The following APOB variants were observed in gnomAD, a reference collection of about 807,000 sequenced individuals.
APOB encodes the protein apolipoprotein B, also known as apolipoprotein B-100.
In APOB, 153 loss-of-function variants were observed where a neutral mutation model predicts 314.1. The ratio of observed to expected loss-of-function variants is 0.49; its 90% CI spans 0.43 to 0.56. The LOEUF is 0.56. Among genes scored for constraint, APOB ranks in the 20% least tolerant of loss-of-function variants. APOB has a pLI of 0.00. For missense variants in APOB, 5,430 were observed against 5,350.7 expected (o/e 1.01, Z -0.46); for synonymous variants, 2,087 against 2,036.4 (o/e 1.02, Z -0.67).
Position 21,008,319 on chromosome 2 carries a change from A to G in APOB, c.8549T>C (p.Ile2850Thr). 1.9e-6 allele frequency: 3 copies of G among 1,613,044 alleles called. No individual in the cohort carries two copies. The highest frequency in any genetic ancestry group is 2.5e-6 in the Non-Finnish European group (3 of 1,179,232). Residue 2850 changes from isoleucine (I) to threonine (T), a missense_variant, in exon 26 of 29, where the codon ATT becomes ACT. By Grantham distance (89) the Ile-to-Thr change is moderately conservative. Transcript: ENST00000233242. The stretch of plus-strand genomic sequence containing the variant: ...TGCCACTGTGTTTGATTTTCCCTCA[A>G]TAGCATTTCCAAAAAACAGCATTTC... ...GSEMLFFGNA[I>T]EGKSNTVASL...
Position 21,010,156 on chromosome 2 carries a change from A to T in APOB, c.6712T>A (p.Phe2238Ile). 6.2e-7 allele frequency: 1 copy of T among 1,603,126 alleles called. No homozygotes were observed. The highest frequency in any genetic ancestry group is 8.5e-7 in the Non-Finnish European group (1 of 1,172,270). Reference sequence around the variant, plus strand: ...GCAGTACTACTTCCACTTTTGTTAAAATCAATATTTTCAATAAACAAATGT... The same window carrying T: ...GCAGTACTACTTCCACTTTTGTTAATATCAATATTTTCAATAAACAAATGT... ...DLHLFIENIDFNKSGSSTASW... is the reference protein window; with the variant it reads ...DLHLFIENIDINKSGSSTASW... Residue 2238 changes from phenylalanine to isoleucine, a missense_variant, in exon 26 of 29, where the codon TTT becomes ATT. By Grantham distance (21) the Phe-to-Ile change is conservative. Around this residue, in one of 3 missense-constraint regions of APOB, gnomAD observed 3,281 missense variants for 3,171.0 expected, o/e 1.03. Transcript: ENST00000233242.
chr2:21,035,016 T>C (rs1034752257), intron 7 of APOB, 115 bp from the exon 8 acceptor site: 1 of 771,388 alleles, frequency 1.3e-6, no homozygotes, highest in Non-Finnish European at 2.4e-6. Context: ...TTTCAAAGCA[T>C]GGGTAAATCC....
In APOB at chr2:21,003,092, G is replaced by T. The variant is rs1446183854; in HGVS notation, c.12330C>A (p.Asn4110Lys). 7 of 1,595,290 alleles carry T rather than the reference G, an allele frequency of 4.4e-6. No homozygotes were observed. Among genetic ancestry groups the T allele is most frequent in the Non-Finnish European group, 5.1e-6 (6 of 1,169,870 alleles). ...VSSKLRRNLQ[N>K]NAEWVYQGAI... ...CCCCTTGATAAACCCACTCAGCATTGTTCTGCAGATTTCTTCTCAGCTTTG... is the reference window on the plus strand; with the variant it reads ...CCCCTTGATAAACCCACTCAGCATTTTTCTGCAGATTTCTTCTCAGCTTTG... The change falls in exon 29 of 29, where the codon AAC (asparagine) becomes AAA (lysine). Residue 4110 changes from asparagine (N) to lysine (K), a missense_variant. Around this residue, in one of 3 missense-constraint regions of APOB, gnomAD observed 3,281 missense variants for 3,171.0 expected, o/e 1.03. Transcript: ENST00000233242.
chr2:21,004,155 G>T (rs533261712), intron 28 of APOB, 114 bp downstream of exon 28: 9 of 1,107,974 alleles, frequency 8.1e-6, no homozygotes, highest in Non-Finnish European at 1.2e-5. Context: ...GTTGCTTACC[G>T]CCTGTCTTTC....
rs1271356302 is a variant in APOB at position 21,033,394 on chromosome 2, C to A, written c.1029G>T (p.Gln343His). 6.2e-7 allele frequency: 1 copy of A among 1,614,172 alleles called. No homozygotes were observed. Among genetic ancestry groups the A allele is most frequent in the East Asian group, 2.2e-5 (1 of 44,882 alleles). ...KKLTISEQNI[Q>H]RANLFNKLVT... ...CCAGCTTATTGAAGAGATTAGCTCT[C>A]TGGATATTTTGCTCAGAGATGGTTA... The change falls in exon 9 of 29, where the codon CAG becomes CAT. Residue 343 changes from glutamine (Q) to histidine (H), a missense_variant. Coordinates refer to ENST00000233242, the MANE Select transcript of APOB (RefSeq NM_000384.3).
Position 21,011,660 on chromosome 2 carries a change from A to G in APOB, c.5208T>C (p.Leu1736=), listed in dbSNP as rs1214860106. 6.2e-6 allele frequency: 10 copies of G among 1,614,204 alleles called. No individual in the cohort carries two copies. Among genetic ancestry groups the G allele is most frequent in the Non-Finnish European group, 8.5e-6 (10 of 1,180,030 alleles). Residue 1736 remains leucine (L), a synonymous_variant, in exon 26 of 29, where the codon CTT becomes CTC. Coordinates refer to ENST00000233242, the MANE Select transcript of APOB (RefSeq NM_000384.3). ...IFNFKVSQEG[L]KLSNDMMGSY... ...AGCCCATCATGTCATTTGAGAGCTT[A>G]AGTCCTTCTTGACTGACCTTGAAGT... is the stretch of plus-strand genomic sequence containing the variant.
At position 21,007,546 on chromosome 2, in the gene APOB, CGTT is replaced by C. The variant is rs1663179943; in HGVS notation, c.9319_9321del (p.Asn3107del). ...CCTACATGGGCCTCCATAATGTTCT[CGTT>C]GTTTCCAGCAGAGAAATTTTGGTTG... On this transcript the variant is annotated inframe_deletion, in exon 26 of 29. Coordinates refer to ENST00000233242, the MANE Select transcript of APOB (RefSeq NM_000384.3). 2 of 1,614,046 alleles carry C rather than the reference CGTT, an allele frequency of 1.2e-6. No individual in the cohort carries two copies. The highest frequency in any genetic ancestry group is 1.7e-6 in the Non-Finnish European group (2 of 1,179,944).
chr2:21,016,441 T>C lies in APOB; in HGVS notation c.3330A>G (p.Leu1110=), dbSNP rs756140711. Residue 1110 remains leucine (L), a splice_region_variant and synonymous_variant, in exon 21 of 29, where the codon CTA becomes CTG. Transcript: ENST00000233242. ...KITEVALMGH[L]SCDTKEERKI... is the part of the protein sequence containing the mutation. ...AGATGACCCTCGGCCTTCTTTACCT[T>C]AGGTGGCCCATGAGGGCGACCTCAG... 5 of 1,573,602 alleles carry C rather than the reference T, an allele frequency of 3.2e-6. No individual in the cohort carries two copies. In the South Asian group the frequency reaches 5.5e-5, roughly 17 times the overall value.
chr2:21,041,722 A>G (rs1167328049), intron 3 of APOB, among the ~76,000 whole-genome samples: 1 of 152,196 alleles, frequency 6.6e-6, no homozygotes, highest in African/African-American at 2.4e-5. Flanking sequence ...TTCCATTTAA[A>G]TAGCCCAATG....
intron 28 of APOB, among the ~76,000 whole-genome samples, chr2:21,003,812 T>G (rs777896936): frequency 6.6e-6 from 1 of 152,162 alleles, no homozygotes; most frequent in Non-Finnish European, 1.5e-5. Flanking sequence ...CCATGTTTGG[T>G]CTTCTCCTCT....
rs1474931081 is a variant in APOB, at chr2:21,013,341, C to A, written c.4035G>T (p.Leu1345Phe). 6.2e-7 allele frequency: 1 copy of A among 1,614,142 alleles called. No individual in the cohort carries two copies. The highest frequency in any genetic ancestry group is 1.1e-5 in the South Asian group (1 of 91,080). Residue 1345 changes from leucine (L) to phenylalanine (F), a missense_variant, in exon 25 of 29, where the codon TTG becomes TTT. Leu to Phe is a conservative substitution (Grantham distance 22). Around this residue, in one of 3 missense-constraint regions of APOB, gnomAD observed 2,085 missense variants for 2,079.7 expected, o/e 1.00. Coordinates refer to ENST00000233242, the MANE Select transcript of APOB (RefSeq NM_000384.3). ...FQVPTFTIPKLYQLQVPLLGV... is the reference protein window; with the variant it reads ...FQVPTFTIPKFYQLQVPLLGV... ...CCAGGAGAGGCACTTGCAGTTGATA[C>A]AACTTGGGAATGGTAAAAGTAGGGA...
chr2:21,037,152 C>A lies in APOB; in HGVS notation c.641G>T (p.Arg214Leu), dbSNP rs146152405. The A allele has an allele frequency of 3.1e-6, 5 of 1,614,064 alleles. No homozygotes were observed. The highest frequency in any genetic ancestry group is 3.4e-6 in the Non-Finnish European group (4 of 1,180,046). The change falls in exon 6 of 29, where the codon CGC (arginine) becomes CTC (leucine). Residue 214 changes from arginine to leucine, a missense_variant. Coordinates refer to ENST00000233242, the MANE Select transcript of APOB (RefSeq NM_000384.3). ...STERDLGQCD[R>L]FKPIRTGISP... The stretch of plus-strand genomic sequence containing the variant: ...GATGCCTGTGCGGATGGGCTTGAAG[C>A]GATCACACTGCCCCAGGTCTCTTTC...
At position 21,018,988 on chromosome 2, in the gene APOB, T is replaced by C; in HGVS notation, c.3121+4A>G. The C allele has an allele frequency of 6.2e-7, 1 of 1,614,022 alleles. No homozygotes were observed. Among genetic ancestry groups the C allele is most frequent in the East Asian group, 2.2e-5 (1 of 44,838 alleles). On this transcript the variant is annotated splice_donor_region_variant and intron_variant, in intron 20 of 28. Coordinates refer to ENST00000233242, the MANE Select transcript of APOB (RefSeq NM_000384.3). The stretch of plus-strand genomic sequence containing the variant: ...GATGAGGCAGCTGTGTTTTGAATAC[T>C]CACCTTCTGCTTGAGTTACAAACTT...
At position 21,007,141 on chromosome 2, in the gene APOB, G is replaced by A. The variant is rs372260836; in HGVS notation, c.9727C>T (p.Pro3243Ser). 8.7e-6 allele frequency: 14 copies of A among 1,613,946 alleles called. No homozygotes were observed. The highest frequency in any genetic ancestry group is 1.3e-5 in the African/African-American group (1 of 75,010). ...TATCCAGGAATTTGAAAGGTCCTGG[G>A]GAGCTCGTCGTGAGATTTTTCAGCT... is the stretch of plus-strand genomic sequence containing the variant. ...YKAEKSHDELPRTFQIPGYTV... is the reference protein window; with the variant it reads ...YKAEKSHDELSRTFQIPGYTV... Residue 3243 changes from proline (P) to serine (S), a missense_variant, in exon 26 of 29, where the codon CCC (proline) becomes TCC (serine). Pro to Ser is a moderately conservative substitution (Grantham distance 74). Coordinates refer to ENST00000233242, the MANE Select transcript of APOB (RefSeq NM_000384.3).
Position 21,038,046 on chromosome 2 carries a change from G to T in APOB, c.449C>A (p.Pro150His). ...CCTCTTGATGTTCAGGATGTAAGTA[G>T]GTTCATCTTTCTCCGGGTAAAGGAA... Reference protein sequence around the residue: ...QVFLYPEKDEPTYILNIKRGI... With the variant: ...QVFLYPEKDEHTYILNIKRGI... Residue 150 changes from proline to histidine, a missense_variant, in exon 5 of 29, where the codon CCT becomes CAT. Coordinates refer to ENST00000233242, the MANE Select transcript of APOB (RefSeq NM_000384.3). 1.2e-6 allele frequency: 2 copies of T among 1,614,180 alleles called. No individual in the cohort carries two copies. Among genetic ancestry groups the T allele is most frequent in the Non-Finnish European group, 1.7e-6 (2 of 1,180,014 alleles).
Position 21,033,333 on chromosome 2 carries a change from T to C in APOB, c.1090A>G (p.Thr364Ala). 3.1e-6 allele frequency: 5 copies of C among 1,614,198 alleles called. No homozygotes were observed. The highest frequency in any genetic ancestry group is 4.2e-6 in the Non-Finnish European group (5 of 1,180,016). ...ELRGLSDEAV[T>A]SLLPQLIEVS... ...TCAATCAGCTGTGGCAAGAGAGATGTGACTGCTTCATCACTGAGGCCTCTC... is the reference window on the plus strand; with the variant it reads ...TCAATCAGCTGTGGCAAGAGAGATGCGACTGCTTCATCACTGAGGCCTCTC... The change falls in exon 9 of 29, where the codon ACA (threonine) becomes GCA (alanine). Residue 364 changes from threonine to alanine, a missense_variant. Transcript: ENST00000233242.
Position 21,012,672 on chromosome 2 carries a change from C to T in APOB, c.4217-21G>A, listed in dbSNP as rs770960795. 1.9e-6 allele frequency: 3 copies of T among 1,605,906 alleles called. No homozygotes were observed. In the South Asian group the frequency reaches 3.3e-5, roughly 18 times the overall value. ...AGATCCTAACATAAAAATGAAAAGA[C>T]ATTGGTTAAATTAAGCAGTACATTT... On this transcript the variant is annotated intron_variant, in intron 25 of 28. Coordinates refer to ENST00000233242, the MANE Select transcript of APOB (RefSeq NM_000384.3).
In APOB at chr2:21,008,497, C is replaced by T. The variant is rs1364259558; in HGVS notation, c.8371G>A (p.Ala2791Thr). 1.2e-6 allele frequency: 2 copies of T among 1,614,064 alleles called. No homozygotes were observed. The highest frequency in any genetic ancestry group is 2.2e-5 in the East Asian group (1 of 44,878). The change falls in exon 26 of 29, where the codon GCT (alanine) becomes ACT (threonine). Residue 2791 changes from alanine to threonine, a missense_variant. Physicochemically the swap from Ala to Thr is moderately conservative, Grantham distance 58. Transcript: ENST00000233242. ...TTSANEAGIA[A>T]SITAKGESKL... ...GACTCTCCTTTGGCAGTGATGGAAG[C>T]TGCGATACCTGCTTCGTTTGCTGAG...
chr2:21,007,796 A>G lies in APOB; in HGVS notation c.9072T>C (p.His3024=), dbSNP rs746604590. 5 of 1,613,952 alleles carry G rather than the reference A, an allele frequency of 3.1e-6. No individual in the cohort carries two copies. The highest frequency in any genetic ancestry group is 4.2e-6 in the Non-Finnish European group (5 of 1,179,948). The change falls in exon 26 of 29, where the codon CAT becomes CAC. Residue 3024 remains histidine (H), a synonymous_variant. Transcript: ENST00000233242. The part of the protein sequence containing the change: ...KAEFTGRHDA[H]LNGKVIGTLK... The stretch of plus-strand genomic sequence containing the variant: ...AAGTTCCAATAACCTTTCCATTTAA[A>G]TGAGCATCATGCCTCCCAGTAAACT...
Sources: gnomAD v4.1 joint callset for allele counts (sites outside exome capture counted in the v4.1 genomes callset) on GRCh38, gnomAD v4.1.1 for gene constraint, gnomAD v4.1.1 regional missense constraint, MANE v1.5 for transcripts, NCBI Gene and HGNC (gene_info 2026-07-23, HGNC 2026-07-21) for gene names.